FARP1: variants seen among roughly 807,000 people sequenced by gnomAD.
FARP1 encodes the protein FERM, ARHGEF and pleckstrin domain-containing protein 1.
In FARP1, 52 loss-of-function variants were observed where a neutral mutation model predicts 128.8. The ratio of observed to expected loss-of-function variants is 0.40; its 90% confidence interval spans 0.32 to 0.51. The LOEUF (loss-of-function observed/expected upper bound fraction) is 0.51. FARP1 is among the 20% of genes least tolerant of loss of function. The probability of loss-of-function intolerance (pLI) is 0.45; values close to 1 mark genes in which losing one functional copy is unlikely to be tolerated. For missense variants in FARP1, 1,333 were observed against 1,367.9 expected (o/e 0.97, Z 0.40); for synonymous variants, 580 against 551.8 (o/e 1.05, Z -0.72).
intron 2 of FARP1, among the ~76,000 whole-genome samples, chr13:98,275,975 T>G (rs1884638056): frequency 6.6e-6 from 1 of 152,256 alleles, no homozygotes; most frequent in South Asian, 2.1e-4. Flanking sequence ...GGGGGTATGA[T>G]GGATGTCATT....
At chr13:98,424,767 A>T in intron 17 of FARP1, 117 bp downstream of exon 17, 1 of 741,446 alleles carries the variant, frequency 1.3e-6, no homozygotes, top group Non-Finnish European at 2.4e-6. Context: ...TTGACTCTCT[A>T]CACCAAGCTT....
intron 24 of FARP1, among the ~76,000 whole-genome samples, chr13:98,441,713 G>GGGGGAAGGAGGTTCT (rs1315650300): frequency 6.6e-6 from 1 of 152,154 alleles, no homozygotes; most frequent in East Asian, 1.9e-4. Flanking sequence ...GGCTGGCTTT[G>GGGGGAAGGAGGTTCT]GGGGAAGGAG....
At chr13:98,196,150 C>T (rs1449064218) in intron 1 of FARP1, among the ~76,000 whole-genome samples, 2 of 152,182 alleles carry the variant, frequency 1.3e-5, no homozygotes, top group African/African-American at 4.8e-5. Context: ...GCTTGATTGG[C>T]ACTTTTGTGC....
At chr13:98,174,183 G>C (rs1877838379) in intron 1 of FARP1, among the ~76,000 whole-genome samples, 2 of 152,202 alleles carry the variant, frequency 1.3e-5, no homozygotes, top group African/African-American at 2.4e-5. Context: ...GCTTACTAGT[G>C]ATCGCCTTTC....
At position 98,439,111 on chromosome 13, in the gene FARP1, A is replaced by G. The variant is rs368369581; in HGVS notation, c.2348A>G (p.Asn783Ser). The G allele has an allele frequency of 1.9e-6, 3 of 1,613,236 alleles. No individual in the cohort carries two copies. Among genetic ancestry groups the G allele is most frequent in the Non-Finnish European group, 2.5e-6 (3 of 1,179,542 alleles). Residue 783 changes from asparagine to serine, a missense_variant, in exon 21 of 27, where the codon AAC becomes AGC. Physicochemically the swap from Asn to Ser is conservative, Grantham distance 46. Coordinates refer to ENST00000319562, the MANE Select transcript of FARP1 (RefSeq NM_005766.4). ...ACACACTTCTGATTCCTCCAGTTCA[A>G]CGACGTCCTGCTATACACGAGCCGG... is the stretch of plus-strand genomic sequence containing the variant. ...GLQQRMFFLF[N>S]DVLLYTSRGL...
chr13:98,437,717 C>G (rs772628634), intron 19 of FARP1: 5 of 899,494 alleles, frequency 5.6e-6, no homozygotes, highest in Non-Finnish European at 3.7e-6. Flanking sequence ...AAAGGCAGAC[C>G]TGTATAGCTT....
At chr13:98,413,702 C>T (rs1891273864) in intron 16 of FARP1, among the ~76,000 whole-genome samples, 1 of 152,140 alleles carries the variant, frequency 6.6e-6, no homozygotes, top group Non-Finnish European at 1.5e-5. Flanking sequence ...CTTTACCTTC[C>T]CCAGGTTGAC....
chr13:98,240,191 CA>C (rs573214876), intron 2 of FARP1, among the ~76,000 whole-genome samples: 125 of 152,286 alleles, frequency 8.2e-4, no homozygotes, highest in African/African-American at 2.6e-3. Context: ...GAGTTATTAG[CA>C]CAACCGATTC....
At chr13:98,279,253 A>G (rs1270336547) in intron 2 of FARP1, among the ~76,000 whole-genome samples, 1 of 152,168 alleles carries the variant, frequency 6.6e-6, no homozygotes, top group Non-Finnish European at 1.5e-5. Context: ...CTTCCATTAC[A>G]TTACTTTGAA....
At chr13:98,322,477 G>C (rs561281282) in intron 2 of FARP1, among the ~76,000 whole-genome samples, 1 of 152,144 alleles carries the variant, frequency 6.6e-6, no homozygotes, top group Non-Finnish European at 1.5e-5. Context: ...GGGAGCACTG[G>C]GATTTGGACT....
chr13:98,342,061 G>A (rs1887996510), intron 2 of FARP1, among the ~76,000 whole-genome samples: 1 of 152,150 alleles, frequency 6.6e-6, no homozygotes. Flanking sequence ...AAAATTGGTT[G>A]GTCTTTAGGC....
In FARP1 at chr13:98,412,245, G is replaced by A. The variant is rs9584837; in HGVS notation, c.1826+211G>A. Among the ~76,000 whole-genome samples, 343 of 152,296 alleles carry A rather than the reference G, an allele frequency of 2.3e-3. 2 individuals are homozygous for A. The highest frequency in any genetic ancestry group is 7.8e-3 in the African/African-American group (323 of 41,564). ...TTTCCTCTGGTTTGCAGTTCTTCAA[G>A]ATGGATTTTTTTCCCTCTCTTATGA... On this transcript the variant is annotated intron_variant, in intron 16 of 26. Coordinates refer to ENST00000319562, the MANE Select transcript of FARP1 (RefSeq NM_005766.4).
At chr13:98,371,218 GT>G (rs33975048) in intron 5 of FARP1, among the ~76,000 whole-genome samples, 9,038 of 124,580 alleles carry the variant, frequency 0.073, 754 homozygotes, top group African/African-American at 0.22. Flanking sequence ...CCCGCCCCCC[GT>G]TTTTTTTTTT....
intron 2 of FARP1, among the ~76,000 whole-genome samples, chr13:98,305,186 C>T (rs1237208234): frequency 2.0e-5 from 3 of 146,432 alleles, no homozygotes; most frequent in African/African-American, 8.1e-5. Context: ...AAATCCTTTC[C>T]TCATTCACTA....
At chr13:98,265,770 A>G (rs1884085019) in intron 2 of FARP1, among the ~76,000 whole-genome samples, 1 of 152,120 alleles carries the variant, frequency 6.6e-6, no homozygotes, top group African/African-American at 2.4e-5. Context: ...GCAACAACTC[A>G]TGTATATGGG....
intron 24 of FARP1, among the ~76,000 whole-genome samples, chr13:98,443,481 G>A (rs1594546547): frequency 1.3e-5 from 2 of 152,328 alleles, no homozygotes; most frequent in Admixed American, 1.3e-4. Flanking sequence ...CCTCCTCCCT[G>A]CATGACAGGA....
rs774690 is a variant in FARP1 at position 98,176,006 on chromosome 13, T to A, written c.-24+32514T>A. 607,962 of 683,922 alleles carry A rather than the reference T, an allele frequency of 0.89. 277,686 individuals carry two copies. The highest frequency in any genetic ancestry group is 0.94 in the Non-Finnish European group (372,488 of 396,148). 42.4% of individuals were successfully genotyped at this position (683,922 alleles called of 1,614,324 possible). The stretch of plus-strand genomic sequence containing the variant: ...ACACCTCTTGGCTTTTGCAAATAAT[T>A]CTGCAGTGAACATGGGAGTGCACAT... On this transcript the variant is annotated intron_variant, in intron 1 of 26. Coordinates refer to ENST00000319562, the MANE Select transcript of FARP1 (RefSeq NM_005766.4). This position sits in a 1 kb window ranked among gnomAD's most constrained non-coding sequence, Gnocchi z 6.2.
chr13:98,331,071 C>G (rs1369545833), intron 2 of FARP1, among the ~76,000 whole-genome samples: 2 of 152,284 alleles, frequency 1.3e-5, no homozygotes, highest in Non-Finnish European at 2.9e-5. Context: ...CTTACAGAAT[C>G]TGTGTTGTAA....
intron 13 of FARP1, chr13:98,395,849 G>C (rs1427721698): frequency 1.2e-5 from 5 of 400,514 alleles, no homozygotes; most frequent in Non-Finnish European, 2.2e-5. Flanking sequence ...GCTGGTCACA[G>C]CCCCCTGGCC....
Sources: gnomAD v4.1 joint callset for allele counts (sites outside exome capture counted in the v4.1 genomes callset) on GRCh38, gnomAD v4.1.1 for gene constraint, Gnocchi (gnomAD v3.1) non-coding constraint, MANE v1.5 for transcripts, NCBI Gene and HGNC (gene_info 2026-07-23, HGNC 2026-07-21) for gene names.